Variants in EIF3K observed in about 807,000 individuals in gnomAD.
The protein encoded by EIF3K is eIF-3 p28.
EIF3K carries 27 observed loss-of-function variants against 34.2 expected under a neutral mutation model. The ratio of observed to expected loss-of-function variants is 0.79; its 90% confidence interval spans 0.58 to 1.09. The LOEUF is 1.09. Among genes scored for constraint, EIF3K ranks in the 50% least tolerant of loss-of-function variants. EIF3K has a pLI of 0.00. For synonymous variants in EIF3K, 105 were observed against 105.7 expected, an observed-to-expected ratio of 0.99 and a Z score of 0.04; for missense variants, 232 against 275.4, an observed-to-expected ratio of 0.84 and a Z score of 1.11.
intron 3 of EIF3K, 108 bp downstream of exon 3, chr19:38,624,305 C>G: frequency 6.6e-7 from 1 of 1,520,248 alleles, no homozygotes; most frequent in Non-Finnish European, 8.9e-7. Flanking sequence ...CAACAAGTGC[C>G]TGCTCTGGTC....
At chr19:38,628,357 C>T (rs1454917688) in intron 4 of EIF3K, 1 of 152,288 alleles carries the variant, frequency 6.6e-6, no homozygotes, top group Non-Finnish European at 1.5e-5. Context: ...CTGCCGTCAC[C>T]AATAATGGCT....
chr19:38,631,355 T>C (rs575287921), intron 4 of EIF3K, among the ~76,000 whole-genome samples: 28 of 152,094 alleles, frequency 1.8e-4, no homozygotes, highest in Non-Finnish European at 3.5e-4. Context: ...GGCAGGGTCA[T>C]AGGATAATAG....
Position 38,620,442 on chromosome 19 carries a change from G to A in EIF3K, c.158+7G>A. 2.5e-6 allele frequency: 4 copies of A among 1,612,708 alleles called. No individual in the cohort carries two copies. In the East Asian group the frequency reaches 8.9e-5, roughly 36 times the overall value. ...ACCTGGCTGTCCTGAAGCTGTAAGT[G>A]TCTAGCTCTCTGTCTACACTCCCAT... On this transcript the variant is annotated splice_region_variant and intron_variant, in intron 2 of 7. Transcript: ENST00000248342.
rs560879698 is a variant in EIF3K, at chr19:38,624,116, C to T, written c.198C>T (p.Thr66=). The change falls in exon 3 of 8, where the codon ACC becomes ACT. Residue 66 remains threonine, a synonymous_variant. Coordinates refer to ENST00000248342, the MANE Select transcript of EIF3K (RefSeq NM_013234.4). The part of the protein sequence containing the change: ...FNPAFFQTTV[T]AQILLKALTN... The stretch of plus-strand genomic sequence containing the variant: ...CAGCCTTCTTTCAGACCACGGTCAC[C>T]GCCCAGATCCTGCTGAAGGCCCTCA... 2.5e-5 allele frequency: 40 copies of T among 1,614,186 alleles called. No individual in the cohort carries two copies. The highest frequency in any genetic ancestry group is 8.0e-5 in the African/African-American group (6 of 75,048).
intron 4 of EIF3K, among the ~76,000 whole-genome samples, chr19:38,627,794 TGCTCTCTTGGCCA>T (rs982040737): frequency 2.6e-5 from 4 of 152,130 alleles, no homozygotes; most frequent in African/African-American, 9.7e-5. Flanking sequence ...CTGGGTCCCT[TGCTCTCTTGGCCA>T]GCTATCTTGT....
chr19:38,620,505 A>T, intron 2 of EIF3K, 70 bp downstream of exon 2: 3 of 1,336,314 alleles, frequency 2.2e-6, no homozygotes, highest in Non-Finnish European at 3.2e-6. Context: ...AGTACAGGGC[A>T]AGGGGGTGGC....
intron 4 of EIF3K, chr19:38,632,137 T>C (rs1313041736): frequency 5.4e-6 from 2 of 368,898 alleles, no homozygotes; most frequent in Non-Finnish European, 1.0e-5. Context: ...CAGTGTAGGC[T>C]GGGAGTGGTG....
At position 38,627,556 on chromosome 19, in the gene EIF3K, C is replaced by T. The variant is rs149325697; in HGVS notation, c.354+1454C>T. On this transcript the variant is annotated intron_variant, in intron 4 of 7. Coordinates refer to ENST00000248342, the MANE Select transcript of EIF3K (RefSeq NM_013234.4). ...GCACATGCCTGTAATCCTAGCTGCT[C>T]GGGAGGCTGAGGCAGGAGAATCACT... Among the ~76,000 whole-genome samples, 898 of 151,844 alleles carry T rather than the reference C, an allele frequency of 5.9e-3. 6 individuals are homozygous for T. The highest frequency in any genetic ancestry group is 0.017 in the African/African-American group (718 of 41,446).
chr19:38,631,859 A>C (rs998137446), intron 4 of EIF3K, among the ~76,000 whole-genome samples: 1 of 152,198 alleles, frequency 6.6e-6, no homozygotes, highest in African/African-American at 2.4e-5. Flanking sequence ...ATGACTCTCA[A>C]GGAGCATGCT....
intron 2 of EIF3K, among the ~76,000 whole-genome samples, chr19:38,621,761 C>T (rs530753117): frequency 3.3e-5 from 5 of 152,300 alleles, no homozygotes; most frequent in African/African-American, 1.2e-4. Context: ...TGAGATCCAT[C>T]CAGTGTTTTT....
rs1975900370 is a variant in EIF3K, at chr19:38,624,164, C to T, written c.246C>T (p.Phe82=). The T allele has an allele frequency of 6.2e-7, 1 of 1,614,230 alleles. No homozygotes were observed. The highest frequency in any genetic ancestry group is 8.5e-7 in the Non-Finnish European group (1 of 1,180,036). The change falls in exon 3 of 8, where the codon TTC becomes TTT. Residue 82 remains phenylalanine (F), a synonymous_variant. Transcript: ENST00000248342. ...TCACCAACTTGCCGCACACAGACTT[C>T]ACCCTGTGCAAGTGCATGATCGACC... ...KALTNLPHTD[F]TLCKCMIDQA...
intron 4 of EIF3K, among the ~76,000 whole-genome samples, chr19:38,628,351 C>T (rs980524143): frequency 1.3e-5 from 2 of 152,162 alleles, no homozygotes; most frequent in South Asian, 2.1e-4. Flanking sequence ...GAGCCACTGC[C>T]GTCACCAATA....
intron 2 of EIF3K, among the ~76,000 whole-genome samples, chr19:38,621,562 A>G (rs1032261472): frequency 5.3e-5 from 8 of 152,168 alleles, no homozygotes; most frequent in African/African-American, 1.7e-4. Context: ...TTTGCCCCCT[A>G]TGCTCTATGC....
intron 7 of EIF3K, chr19:38,635,716 CA>C (rs1976175223): frequency 6.5e-6 from 1 of 152,760 alleles, no homozygotes; most frequent in African/African-American, 2.4e-5. Flanking sequence ...GCTAAGTGAC[CA>C]CACAGTTCAT....
chr19:38,630,357 T>G (rs1976038367), intron 4 of EIF3K, among the ~76,000 whole-genome samples: 1 of 149,894 alleles, frequency 6.7e-6, no homozygotes, highest in Non-Finnish European at 1.5e-5. Flanking sequence ...ATTTTTTTTT[T>G]TTTTTGAGAT....
intron 2 of EIF3K, 61 bp downstream of exon 2, chr19:38,620,496 GTACA>G: frequency 7.0e-7 from 1 of 1,433,186 alleles, no homozygotes; most frequent in Admixed American, 1.8e-5. Flanking sequence ...GCCACTCCCA[GTACA>G]GGGCAAGGGG....
chr19:38,633,689 T>C (rs1384558617), intron 6 of EIF3K, among the ~76,000 whole-genome samples: 4 of 136,060 alleles, frequency 2.9e-5, no homozygotes, highest in African/African-American at 1.1e-4. Flanking sequence ...AAACTCCATC[T>C]AAAAAAAAAA....
At chr19:38,630,206 T>G (rs1364855463) in intron 4 of EIF3K, among the ~76,000 whole-genome samples, 1 of 150,766 alleles carries the variant, frequency 6.6e-6, no homozygotes, top group African/African-American at 2.5e-5. Flanking sequence ...CAGGCTAGAG[T>G]GCAGTGATAT....
intron 6 of EIF3K, among the ~76,000 whole-genome samples, chr19:38,634,328 G>A (rs1447605377): frequency 6.8e-6 from 1 of 147,170 alleles, no homozygotes; most frequent in Non-Finnish European, 1.5e-5. Flanking sequence ...ACTTGGCACG[G>A]TGGCTCACAC....
Sources: gnomAD v4.1 joint callset for allele counts (sites outside exome capture counted in the v4.1 genomes callset) on GRCh38, gnomAD v4.1.1 for gene constraint, MANE v1.5 for transcripts, NCBI Gene and HGNC (gene_info 2026-07-23, HGNC 2026-07-21) for gene names.